SORCS2: variants seen among roughly 807,000 people sequenced by gnomAD.
SORCS2 encodes VPS10 domain-containing receptor SorCS2.
A neutral mutation model predicts 141.6 loss-of-function variants in SORCS2; 100 were observed. That is an observed-to-expected ratio of 0.71 (90% confidence interval 0.60 to 0.83). The LOEUF is 0.83. Among genes scored for constraint, SORCS2 ranks in the 40% least tolerant of loss-of-function variants. The probability of loss-of-function intolerance (pLI) is 0.00; values close to 1 mark genes in which losing one functional copy is unlikely to be tolerated. For synonymous variants in SORCS2, 789 were observed against 676.9 expected (o/e 1.17, Z -2.57); for missense variants, 1,646 against 1,560.2 (o/e 1.05, Z -0.93).
At chr4:7,309,571 A>T (rs1718051992) in intron 1 of SORCS2, among the ~76,000 whole-genome samples, 1 of 152,198 alleles carries the variant, frequency 6.6e-6, no homozygotes, top group Non-Finnish European at 1.5e-5. Flanking sequence ...CCACACAGGC[A>T]TGTGGCTTTG....
At chr4:7,376,379 G>T (rs6815252) in intron 1 of SORCS2, among the ~76,000 whole-genome samples, 1 of 151,380 alleles carries the variant, frequency 6.6e-6, no homozygotes, top group East Asian at 1.9e-4. Context: ...GACTTTGAGA[G>T]CAGCCTGGCC....
chr4:7,671,354 AAATT>A (rs962715071), intron 8 of SORCS2, among the ~76,000 whole-genome samples: 1 of 151,952 alleles, frequency 6.6e-6, no homozygotes, highest in African/African-American at 2.4e-5. Flanking sequence ...AAAAAAAAAT[AAATT>A]AACATAAACC....
chr4:7,281,380 C>T (rs907154273), intron 1 of SORCS2, among the ~76,000 whole-genome samples: 2 of 152,140 alleles, frequency 1.3e-5, no homozygotes, highest in Non-Finnish European at 2.9e-5. Flanking sequence ...GGTGTCCCCT[C>T]CTCCAGGCAT....
intron 1 of SORCS2, among the ~76,000 whole-genome samples, chr4:7,209,074 C>A (rs1054467961): frequency 6.6e-6 from 1 of 152,314 alleles, no homozygotes; most frequent in African/African-American, 2.4e-5. Flanking sequence ...CTGCAAGCTG[C>A]AGACCTCGTG....
rs1432190818 is a variant in SORCS2 at position 7,741,195 on chromosome 4, A to G, written c.*931A>G. ...ATGTACCAGTTTTCTGCAGTTCCTT[A>G]TAGGCGAAGGGAACCGGGTGGAAAC... On this transcript the variant is annotated 3_prime_UTR_variant, in exon 27 of 27. Coordinates refer to ENST00000507866, the MANE Select transcript of SORCS2 (RefSeq NM_020777.3). 2 of 398,594 alleles carry G rather than the reference A, an allele frequency of 5.0e-6. No homozygotes were observed. The highest frequency in any genetic ancestry group is 8.8e-5 in the Admixed American group (2 of 22,712). The allele number at this position is 398,594 out of a possible 1,614,324, so 24.7% of individuals were successfully genotyped here. A position where few individuals can be genotyped will look rare whatever the true frequency, so the allele number is the denominator to read the frequency against.
intron 14 of SORCS2, 24 bp downstream of exon 14, chr4:7,704,308 G>A: frequency 6.3e-7 from 1 of 1,579,786 alleles, no homozygotes; most frequent in Non-Finnish European, 8.6e-7. Context: ...CCGGGGAGTG[G>A]GCACTGGTGG....
chr4:7,678,780 G>A (rs1210643734), intron 9 of SORCS2, among the ~76,000 whole-genome samples: 7 of 150,640 alleles, frequency 4.6e-5, no homozygotes, highest in Non-Finnish European at 1.0e-4. Context: ...CACAGCTGGT[G>A]GTTACAAGCA....
intron 1 of SORCS2, among the ~76,000 whole-genome samples, chr4:7,296,043 TG>T (rs1261550698): frequency 1.3e-5 from 2 of 152,202 alleles, no homozygotes; most frequent in Non-Finnish European, 2.9e-5. Flanking sequence ...GGGTCCGTGC[TG>T]GGGGCCACAG....
chr4:7,643,769 G>A (rs1265922409), intron 4 of SORCS2, among the ~76,000 whole-genome samples: 1 of 152,204 alleles, frequency 6.6e-6, no homozygotes, highest in African/African-American at 2.4e-5. Flanking sequence ...GTGGGTGTGA[G>A]GAGAGCCCTA....
At chr4:7,435,019 G>GCCAGGAATC in intron 2 of SORCS2, 1 of 1,071,934 alleles carries the variant, frequency 9.3e-7, no homozygotes, top group Non-Finnish European at 1.3e-6. Flanking sequence ...CACACCCTGT[G>GCCAGGAATC]CCCGGGGATT....
At chr4:7,705,883 C>T (rs1313369387) in intron 14 of SORCS2, among the ~76,000 whole-genome samples, 1 of 152,266 alleles carries the variant, frequency 6.6e-6, no homozygotes, top group East Asian at 1.9e-4. Flanking sequence ...CCCCAGCAGG[C>T]GCACAGCTCC....
chr4:7,598,603 G>A (rs1717441734), intron 3 of SORCS2, among the ~76,000 whole-genome samples: 1 of 152,174 alleles, frequency 6.6e-6, no homozygotes, highest in Non-Finnish European at 1.5e-5. Context: ...CAATGCAGGA[G>A]GCATGGGAAG....
chr4:7,699,570 T>G (rs181142781), intron 12 of SORCS2, among the ~76,000 whole-genome samples: 3 of 152,098 alleles, frequency 2.0e-5, no homozygotes, highest in Admixed American at 2.0e-4. Context: ...ACCCTGCTGT[T>G]CAGCAGCCCC....
chr4:7,539,251 C>G (rs548665350), intron 3 of SORCS2, among the ~76,000 whole-genome samples: 1 of 152,202 alleles, frequency 6.6e-6, no homozygotes, highest in African/African-American at 2.4e-5. Flanking sequence ...GGCACAGATC[C>G]TGGAGCTGTG....
chr4:7,418,214 C>T (rs953119557), intron 2 of SORCS2, among the ~76,000 whole-genome samples: 1 of 152,226 alleles, frequency 6.6e-6, no homozygotes, highest in African/African-American at 2.4e-5. Flanking sequence ...GAGGCAGACA[C>T]AGCCTCTGTC....
chr4:7,557,075 G>T (rs1346721577), intron 3 of SORCS2, among the ~76,000 whole-genome samples: 1 of 152,062 alleles, frequency 6.6e-6, no homozygotes, highest in Non-Finnish European at 1.5e-5. Context: ...ACCATGATAT[G>T]CTCTCCTCTC....
chr4:7,676,923 CCT>C (rs1193663110), intron 9 of SORCS2, among the ~76,000 whole-genome samples: 1 of 35,912 alleles, frequency 2.8e-5, no homozygotes, highest in Non-Finnish European at 5.8e-5. Context: ...TCCCTCTCTC[CCT>C]CTCTCCCTCT....
intron 2 of SORCS2, chr4:7,433,413 C>G (rs961521740): frequency 3.3e-6 from 5 of 1,510,508 alleles, no homozygotes; most frequent in South Asian, 1.4e-5. Context: ...GGCTCCTGCA[C>G]CAGAAGCTTG....
rs28710865 is a variant in SORCS2, at chr4:7,684,709, T to A, written c.1488+1820T>A. 8.5e-3 allele frequency among the ~76,000 whole-genome samples: 1,298 copies of A among 152,220 alleles called. 21 individuals are homozygous for A. Among genetic ancestry groups the A allele is most frequent in the African/African-American group, 0.03 (1,252 of 41,502 alleles). On this transcript the variant is annotated intron_variant, in intron 10 of 26. Coordinates refer to ENST00000507866, the MANE Select transcript of SORCS2 (RefSeq NM_020777.3). ...TGAGCACTTGCAATGTGCCAGGCAC[T>A]GTTCTGCAGGCTCAGAACACACCAA...
Sources: gnomAD v4.1 joint callset for allele counts (sites outside exome capture counted in the v4.1 genomes callset) on GRCh38, gnomAD v4.1.1 for gene constraint, MANE v1.5 for transcripts, NCBI Gene and HGNC (gene_info 2026-07-23, HGNC 2026-07-21) for gene names.